The following SORCS2 variants were observed in gnomAD, a reference collection of about 807,000 sequenced individuals.
The protein encoded by SORCS2 is sortilin related VPS10 domain containing receptor 2, also known as VPS10 domain-containing receptor SorCS2.
In SORCS2, 100 loss-of-function variants were observed where a neutral mutation model predicts 141.6. The ratio of observed to expected loss-of-function variants is 0.71; its 90% CI spans 0.60 to 0.83. SORCS2 has a LOEUF of 0.83. SORCS2 is among the 40% of genes least tolerant of loss of function. The pLI is 0.00. For missense variants in SORCS2, 1,646 were observed against 1,560.2 expected (o/e 1.05, Z -0.93); for synonymous variants, 789 against 676.9 (o/e 1.17, Z -2.57).
intron 1 of SORCS2, among the ~76,000 whole-genome samples, chr4:7,234,927 G>A (rs1421196154): frequency 2.6e-5 from 4 of 152,246 alleles, no homozygotes; most frequent in Non-Finnish European, 5.9e-5. Context: ...AGGCCTCGCC[G>A]AGGAGACAGG....
intron 12 of SORCS2, among the ~76,000 whole-genome samples, chr4:7,701,923 C>T (rs1725113874): frequency 1.3e-5 from 2 of 152,182 alleles, no homozygotes; most frequent in South Asian, 4.1e-4. Context: ...GCACAGTGCA[C>T]ATGAGGCCCC....
intron 3 of SORCS2, among the ~76,000 whole-genome samples, chr4:7,564,426 T>C (rs874235): frequency 0.18 from 27,634 of 152,186 alleles, 2,622 homozygotes; most frequent in Non-Finnish European, 0.22. Context: ...TTCCCCTTTC[T>C]GTAAGGACAC....
chr4:7,383,709 C>G (rs1398205060), intron 1 of SORCS2, among the ~76,000 whole-genome samples: 2 of 152,238 alleles, frequency 1.3e-5, no homozygotes, highest in East Asian at 3.9e-4. Context: ...GGTAGAAGCA[C>G]ATTTTGAATA....
intron 1 of SORCS2, among the ~76,000 whole-genome samples, chr4:7,199,132 T>C (rs150422025): frequency 8.7e-4 from 132 of 152,248 alleles, no homozygotes; most frequent in African/African-American, 3.1e-3. Context: ...GTGCTCTCTC[T>C]CGACCTGGGC....
chr4:7,466,207 G>T (rs984961850), intron 2 of SORCS2, among the ~76,000 whole-genome samples: 4 of 152,332 alleles, frequency 2.6e-5, no homozygotes, highest in Admixed American at 2.6e-4. Flanking sequence ...CTTCAGGGCA[G>T]GTGGGGGTGA....
rs1293818055 is a variant in SORCS2, at chr4:7,729,645, T to C, written c.3041T>C (p.Leu1014Ser). ...VTVVKPGLPT[L>S]ADLYVLLPPP... is the part of the protein sequence containing the mutation. ...GTGGTGAAGCCGGGGCTGCCCACTT[T>C]GGCCGATCTGTACGTGCTCCTGCCC... Residue 1014 changes from leucine to serine, a missense_variant, in exon 23 of 27, where the codon TTG becomes TCG. Physicochemically the swap from Leu to Ser is moderately radical, Grantham distance 145 (BLOSUM62 -2). Transcript: ENST00000507866. 8.1e-6 allele frequency: 13 copies of C among 1,602,234 alleles called. No individual in the cohort carries two copies. The highest frequency in any genetic ancestry group is 6.8e-5 in the Admixed American group (4 of 58,436).
intron 2 of SORCS2, among the ~76,000 whole-genome samples, chr4:7,475,753 C>T (rs1180039769): frequency 6.6e-6 from 1 of 152,266 alleles, no homozygotes; most frequent in Non-Finnish European, 1.5e-5. Context: ...CTGCTCCCCG[C>T]TCTTACTGTG....
At chr4:7,612,929 C>T (rs951285194) in intron 3 of SORCS2, among the ~76,000 whole-genome samples, 1 of 78,288 alleles carries the variant, frequency 1.3e-5, no homozygotes. Flanking sequence ...GGGGAGGAGA[C>T]GCCATTCTTC....
At chr4:7,701,721 GTCCAT>G (rs1420526393) in intron 12 of SORCS2, among the ~76,000 whole-genome samples, 1 of 152,188 alleles carries the variant, frequency 6.6e-6, no homozygotes, top group Non-Finnish European at 1.5e-5. Flanking sequence ...TGGATTCTCA[GTCCAT>G]GTCCTCCCCA....
intron 1 of SORCS2, among the ~76,000 whole-genome samples, chr4:7,297,762 C>A (rs1050603584): frequency 6.6e-6 from 1 of 152,214 alleles, no homozygotes; most frequent in Non-Finnish European, 1.5e-5. Context: ...CACACTCAGG[C>A]TGGCCTCAGG....
chr4:7,416,940 A>C (rs1208610023), intron 2 of SORCS2, among the ~76,000 whole-genome samples: 1 of 152,068 alleles, frequency 6.6e-6, no homozygotes, highest in Non-Finnish European at 1.5e-5. Flanking sequence ...ACACGCACAC[A>C]TACTCTCGCA....
chr4:7,494,471 C>G (rs1231935348), intron 2 of SORCS2, among the ~76,000 whole-genome samples: 1 of 151,944 alleles, frequency 6.6e-6, no homozygotes, highest in Non-Finnish European at 1.5e-5. Flanking sequence ...GGGCCTCTTC[C>G]TGGCTTGCAG....
At chr4:7,419,935 G>T (rs1725928677) in intron 2 of SORCS2, among the ~76,000 whole-genome samples, 1 of 152,160 alleles carries the variant, frequency 6.6e-6, no homozygotes, top group East Asian at 1.9e-4. Flanking sequence ...GTGCTTCCTG[G>T]GCAGCTCTTC....
At chr4:7,692,311 C>T (rs1724308519) in intron 11 of SORCS2, among the ~76,000 whole-genome samples, 1 of 152,184 alleles carries the variant, frequency 6.6e-6, no homozygotes, top group Non-Finnish European at 1.5e-5. Flanking sequence ...CCTGCCCACC[C>T]CGCCGTTCAT....
In SORCS2 at chr4:7,470,240, TCCATCCTC is replaced by T. The variant is rs569215552; in HGVS notation, c.549-61266_549-61259del. On this transcript the variant is annotated intron_variant, in intron 2 of 26. Coordinates refer to ENST00000507866, the MANE Select transcript of SORCS2 (RefSeq NM_020777.3). Reference sequence around the variant, plus strand: ...TCCCATCCCTCGGTCCATCCACCCATCCATCCTCCCATCCTCCCATCCTCCCATCCTGC... The same window carrying T: ...TCCCATCCCTCGGTCCATCCACCCATCCATCCTCCCATCCTCCCATCCTGC... Among the ~76,000 whole-genome samples the T allele has an allele frequency of 7.5e-3, 1,138 of 150,874 alleles. 17 individuals carry two copies. Among genetic ancestry groups the T allele is most frequent in the African/African-American group, 0.025 (1,026 of 40,882 alleles).
At chr4:7,330,471 C>T (rs986240268) in intron 1 of SORCS2, among the ~76,000 whole-genome samples, 2 of 151,790 alleles carry the variant, frequency 1.3e-5, no homozygotes, top group African/African-American at 4.8e-5. Flanking sequence ...ACGCACACCC[C>T]TGACGTCCAA....
intron 2 of SORCS2, among the ~76,000 whole-genome samples, chr4:7,479,930 G>A (rs1225492677): frequency 6.6e-6 from 1 of 152,252 alleles, no homozygotes; most frequent in Non-Finnish European, 1.5e-5. Flanking sequence ...CTGTCCTCCG[G>A]GCTCAGTGTC....
chr4:7,689,358 C>A, intron 10 of SORCS2, 128 bp from the exon 11 acceptor site: 2 of 791,540 alleles, frequency 2.5e-6, no homozygotes, highest in Non-Finnish European at 2.0e-6. Context: ...CCATCCGTTC[C>A]TCCAAGGCAC....
At chr4:7,533,358 A>G (rs1195828153) in intron 3 of SORCS2, among the ~76,000 whole-genome samples, 1 of 152,148 alleles carries the variant, frequency 6.6e-6, no homozygotes, top group Admixed American at 6.5e-5. Context: ...TGAGACAAAG[A>G]TGAGTGGCTG....
Sources: allele counts gnomAD v4.1 joint callset (sites outside exome capture counted in the v4.1 genomes callset), GRCh38; gene constraint gnomAD v4.1.1; transcripts MANE v1.5; gene names NCBI Gene and HGNC (gene_info 2026-07-23, HGNC 2026-07-21).